The following ZNF611 variants were observed in gnomAD, a reference collection of about 807,000 sequenced individuals.
The protein encoded by ZNF611 is zinc finger protein 611.
Under a neutral mutation model 8.9 loss-of-function variants are expected in ZNF611, and 6 were observed. The ratio of observed to expected loss-of-function variants is 0.68; its 90% CI spans 0.37 to 1.34. The LOEUF is 1.34. ZNF611 is among the 40% of genes most tolerant of loss of function. ZNF611 has a pLI of 0.02. For missense variants in ZNF611, 874 were observed against 841.3 expected (o/e 1.04, Z -0.48); for synonymous variants, 262 against 279.7 (o/e 0.94, Z 0.63).
rs1445838673 is a variant in ZNF611 at position 52,705,020 on chromosome 19, T to A, written c.2035A>T (p.Lys679Ter). 1 of 1,614,226 alleles carries A rather than the reference T, an allele frequency of 6.2e-7. No individual in the cohort carries two copies. Among genetic ancestry groups the A allele is most frequent in the Admixed American group, 1.7e-5 (1 of 60,030 alleles). ...TRIHTAEKPYKCNECGKAFNQ... is the reference protein window; with the variant it reads ...TRIHTAEKPY The stretch of plus-strand genomic sequence containing the variant: ...AAAGCCTTCCCACATTCATTACACT[T>A]GTAAGGTTTCTCTGCAGTGTGAATT... The change falls in exon 6 of 6, where the codon AAG becomes TAG. Residue 679 changes from lysine (K) to a stop codon, truncating the protein, a stop_gained. Coordinates refer to ENST00000652185, the MANE Select transcript of ZNF611 (RefSeq NM_001161499.2). LOFTEE classifies it low-confidence loss of function (END_TRUNC).
intron 1 of ZNF611, among the ~76,000 whole-genome samples, chr19:52,734,623 C>G (rs961495794): frequency 6.6e-6 from 1 of 151,186 alleles, no homozygotes; most frequent in African/African-American, 2.4e-5. Flanking sequence ...CTCCCCGGGA[C>G]TGGGGCTGCG....
chr19:52,705,241 C>A lies in ZNF611; in HGVS notation c.1814G>T (p.Arg605Leu), dbSNP rs145568781. ...KCNECSKTFS[R>L]RSSLHCHRRL... ...ACGATGGCAATGAAGGGATGACCTGCGACTGAAGGTCTTGCTGCACTCATT... is the reference window on the plus strand; with the variant it reads ...ACGATGGCAATGAAGGGATGACCTGAGACTGAAGGTCTTGCTGCACTCATT... Residue 605 changes from arginine to leucine, a missense_variant, in exon 6 of 6, where the codon CGC becomes CTC. Physicochemically the swap from Arg to Leu is moderately radical, Grantham distance 102 (BLOSUM62 -2). Coordinates refer to ENST00000652185, the MANE Select transcript of ZNF611 (RefSeq NM_001161499.2). The A allele has an allele frequency of 6.2e-7, 1 of 1,613,836 alleles. No individual in the cohort carries two copies. Among genetic ancestry groups the A allele is most frequent in the Non-Finnish European group, 8.5e-7 (1 of 1,179,980 alleles).
chr19:52,713,455 A>G lies in ZNF611; in HGVS notation c.190+560T>C, dbSNP rs142741969. On this transcript the variant is annotated intron_variant, in intron 5 of 5. Transcript: ENST00000652185. ...ACAAGAGTTCAGTCAAGAGCCTCAT[A>G]CATATGAGGCTGTGAGCCCGAATGA... Among the ~76,000 whole-genome samples, 344 of 152,280 alleles carry G rather than the reference A, an allele frequency of 2.3e-3. 10 individuals are homozygous for G. The East Asian group carries it at 0.056, about 25-fold the overall frequency.
At position 52,706,251 on chromosome 19, in the gene ZNF611, A is replaced by G; in HGVS notation, c.804T>C (p.Phe268=). The G allele has an allele frequency of 6.2e-7, 1 of 1,614,184 alleles. No individual in the cohort carries two copies. The highest frequency in any genetic ancestry group is 1.1e-5 in the South Asian group (1 of 91,078). ...QYKCDVCGKL[F]NHEQYLACHD... is the part of the protein sequence containing the mutation. ...GGCATGCAAGGTATTGCTCGTGATT[A>G]AAGAGCTTGCCACATACATCACATT... Residue 268 remains phenylalanine (F), a synonymous_variant, in exon 6 of 6, where the codon TTT becomes TTC. Coordinates refer to ENST00000652185, the MANE Select transcript of ZNF611 (RefSeq NM_001161499.2).
At position 52,703,483 on chromosome 19, in the gene ZNF611, T is replaced by C. The variant is rs1201533437; in HGVS notation, c.*1454A>G. The C allele has an allele frequency of 1.3e-5, 2 of 152,022 alleles. No individual in the cohort carries two copies. Among genetic ancestry groups the C allele is most frequent in the Non-Finnish European group, 1.5e-5 (1 of 68,032 alleles). The allele number at this position is 152,022 out of a possible 1,614,324, so 9.4% of individuals were successfully genotyped here. A position where few individuals can be genotyped will look rare whatever the true frequency, so the allele number is the denominator to read the frequency against. On this transcript the variant is annotated 3_prime_UTR_variant, in exon 6 of 6. Transcript: ENST00000652185. ...TTTTAGTAGAGATGGGGTTTCACCA[T>C]GTTAGGGTGCTTTTGAAATTGTGAC... is the stretch of plus-strand genomic sequence containing the variant.
At chr19:52,720,764 C>A (rs1021817003) in intron 3 of ZNF611, 1 of 151,412 alleles carries the variant, frequency 6.6e-6, no homozygotes. Context: ...CAGAGGTGCT[C>A]CCCACTTCCC....
At chr19:52,729,514 A>AAAAAAAG (rs1453807394) in intron 2 of ZNF611, among the ~76,000 whole-genome samples, 2 of 148,664 alleles carry the variant, frequency 1.3e-5, no homozygotes, top group Admixed American at 1.4e-4. Flanking sequence ...AAAAAAAAAA[A>AAAAAAAG]AAAAGAAAAG....
At chr19:52,718,971 G>C (rs1013977591) in intron 3 of ZNF611, among the ~76,000 whole-genome samples, 2 of 152,176 alleles carry the variant, frequency 1.3e-5, no homozygotes, top group African/African-American at 4.8e-5. Flanking sequence ...ATGAGTTCAA[G>C]AGCAGTCTGG....
In ZNF611 at chr19:52,714,689, A is replaced by AAAAAC. The variant is rs1247919716; in HGVS notation, c.64-553_64-549dup. ...GGCAACAGACTGACACTCCATCTCA[A>AAAAAC]AAAACAAAACAAAACAAAACAAAAA... On this transcript the variant is annotated intron_variant, in intron 4 of 5. Transcript: ENST00000652185. Among the ~76,000 whole-genome samples the AAAAAC allele has an allele frequency of 4.6e-5, 3 of 64,924 alleles. 1 individual carries two copies. The highest frequency in any genetic ancestry group is 4.0e-4 in the Admixed American group (3 of 7,506). 42.6% of individuals were successfully genotyped at this position (64,924 alleles called of 152,430 possible). A position where few individuals can be genotyped will look rare whatever the true frequency, so the allele number is the denominator to read the frequency against.
rs561738356 is a variant in ZNF611, at chr19:52,704,400, A to G, written c.*537T>C. On this transcript the variant is annotated 3_prime_UTR_variant, in exon 6 of 6. Transcript: ENST00000652185. ...TTCTCTGATGTCTAATGACGTGTGA[A>G]CGTGAAGCAAAGGCTTTGCCACAAT... The G allele has an allele frequency of 7.6e-4, 512 of 669,702 alleles. 7 individuals carry two copies. Among genetic ancestry groups the G allele is most frequent in the South Asian group, 7.0e-3 (491 of 70,582 alleles). 41.5% of individuals were successfully genotyped at this position (669,702 alleles called of 1,614,324 possible). A position where few individuals can be genotyped will look rare whatever the true frequency, so the allele number is the denominator to read the frequency against.
intron 3 of ZNF611, among the ~76,000 whole-genome samples, chr19:52,727,433 A>G (rs1252187814): frequency 6.6e-6 from 1 of 151,898 alleles, no homozygotes; most frequent in Non-Finnish European, 1.5e-5. Flanking sequence ...TCCTCAGGGA[A>G]GAGGACTTGA....
intron 1 of ZNF611, among the ~76,000 whole-genome samples, chr19:52,734,300 C>T (rs1251374549): frequency 3.3e-5 from 5 of 150,354 alleles, no homozygotes; most frequent in African/African-American, 1.2e-4. Context: ...CTCAGGTTTT[C>T]TACTGCTCTC....
intron 4 of ZNF611, 126 bp from the exon 5 acceptor site, chr19:52,714,267 AG>A: frequency 2.0e-6 from 3 of 1,499,704 alleles, no homozygotes; most frequent in Non-Finnish European, 2.7e-6. Flanking sequence ...AAGGATGTTA[AG>A]GTATTTTTGA....
intron 3 of ZNF611, among the ~76,000 whole-genome samples, chr19:52,727,942 C>T (rs1337255523): frequency 7.6e-6 from 1 of 131,806 alleles, no homozygotes; most frequent in Non-Finnish European, 1.5e-5. Flanking sequence ...CGGAGTCTCG[C>T]TTTGTTGCCC....
chr19:52,715,348 G>T (rs569891452), intron 4 of ZNF611, among the ~76,000 whole-genome samples: 2 of 151,830 alleles, frequency 1.3e-5, no homozygotes, highest in Non-Finnish European at 2.9e-5. Flanking sequence ...CCCAATACTG[G>T]GGAGGCTGAG....
chr19:52,711,755 TACTC>T (rs1407553213), intron 5 of ZNF611, among the ~76,000 whole-genome samples: 18 of 152,170 alleles, frequency 1.2e-4, no homozygotes, highest in Non-Finnish European at 2.5e-4. Flanking sequence ...GGTCTTCACT[TACTC>T]AGGGAGAGTA....
intron 1 of ZNF611, among the ~76,000 whole-genome samples, chr19:52,734,539 G>T (rs1290869100): frequency 1.9e-5 from 1 of 52,208 alleles, no homozygotes; most frequent in African/African-American, 1.0e-4. Context: ...TGCGGGGCGG[G>T]GGGGGGGGGC....
rs1161023052 is a variant in ZNF611, at chr19:52,730,007, T to A, written c.-221-2A>T. The A allele has an allele frequency of 6.6e-6, 1 of 152,188 alleles. No individual in the cohort carries two copies. Among genetic ancestry groups the A allele is most frequent in the Non-Finnish European group, 1.5e-5 (1 of 68,038 alleles). The allele number at this position is 152,188 out of a possible 1,614,324, so 9.4% of individuals were successfully genotyped here. On this transcript the variant is annotated splice_acceptor_variant, in intron 1 of 5. Transcript: ENST00000652185. LOFTEE classifies it low-confidence loss of function (5UTR_SPLICE). Reference sequence around the variant, plus strand: ...CATTGTCCTTCGTTATCTAGTCAACTGTGCAAAAAATATAGAAAGTGTACT... The same window carrying A: ...CATTGTCCTTCGTTATCTAGTCAACAGTGCAAAAAATATAGAAAGTGTACT...
At chr19:52,725,001 A>C (rs1211865092) in intron 3 of ZNF611, among the ~76,000 whole-genome samples, 4 of 151,552 alleles carry the variant, frequency 2.6e-5, no homozygotes, top group African/African-American at 9.7e-5. Context: ...GGCCTTTCTC[A>C]TTCTTCTTTT....
Sources: gnomAD v4.1 joint callset for allele counts (sites outside exome capture counted in the v4.1 genomes callset) on GRCh38, gnomAD v4.1.1 for gene constraint, MANE v1.5 for transcripts, NCBI Gene and HGNC (gene_info 2026-07-23, HGNC 2026-07-21) for gene names.